The following KIAA1755 variants were observed in gnomAD, a reference collection of about 807,000 sequenced individuals.
The protein encoded by KIAA1755 is uncharacterized protein KIAA1755.
KIAA1755 carries 68 observed loss-of-function variants against 91.7 expected under a neutral mutation model. That is an observed-to-expected ratio of 0.74 (90% CI 0.61 to 0.91). The LOEUF (loss-of-function observed/expected upper bound fraction) is 0.91, where lower values mean the gene tolerates loss of function less well. Ranked by LOEUF, KIAA1755 falls within the 40% of genes least tolerant of loss-of-function variation. The pLI, the probability that KIAA1755 is intolerant of heterozygous loss-of-function variation, is 0.00. For synonymous variants in KIAA1755, 610 were observed against 604.6 expected (o/e 1.01, Z -0.13); for missense variants, 1,535 against 1,494.4 (o/e 1.03, Z -0.45).
rs149323625 is a variant in KIAA1755 at position 38,241,929 on chromosome 20, C to T, written c.202G>A (p.Ala68Thr). ...LCEQVREAAC[A>T]PYSHCLFLHE... ...AAGAAGAGGCAGTGTGAGTAGGGAG[C>T]CTGTGGAGAGAAGGGGATGGCATCA... Residue 68 changes from alanine (A) to threonine (T), a missense_variant and splice_region_variant, in exon 3 of 14, where the codon GCT becomes ACT. Coordinates refer to ENST00000279024, the MANE Select transcript of KIAA1755 (RefSeq NM_001029864.2). 8.0e-5 allele frequency: 128 copies of T among 1,607,682 alleles called. No individual in the cohort carries two copies. In the African/African-American group the frequency reaches 1.2e-3, roughly 15 times the overall value.
At chr20:38,244,472 C>T (rs1047461652) in intron 2 of KIAA1755, among the ~76,000 whole-genome samples, 3 of 152,208 alleles carry the variant, frequency 2.0e-5, no homozygotes, top group East Asian at 1.9e-4. Flanking sequence ...AGTCCCCACC[C>T]TTCCTTGTTG....
At chr20:38,222,775 GC>G in intron 9 of KIAA1755, 178 bp from the exon 10 acceptor site, 1 of 679,156 alleles carries the variant, frequency 1.5e-6, no homozygotes, top group Non-Finnish European at 2.6e-6. Context: ...CGTCACCACG[GC>G]AACCTCATTG....
At chr20:38,223,880 T>C (rs1283987887) in intron 8 of KIAA1755, among the ~76,000 whole-genome samples, 2 of 152,200 alleles carry the variant, frequency 1.3e-5, no homozygotes, top group Non-Finnish European at 2.9e-5. Context: ...GTGTTGCTGA[T>C]GCTGCTGGCC....
chr20:38,219,549 G>A lies in KIAA1755; in HGVS notation c.2556+81C>T. 1.9e-6 allele frequency: 3 copies of A among 1,558,150 alleles called. No individual in the cohort carries two copies. In the South Asian group the frequency reaches 3.5e-5, roughly 18 times the overall value. On this transcript the variant is annotated intron_variant, in intron 11 of 13. Coordinates refer to ENST00000279024, the MANE Select transcript of KIAA1755 (RefSeq NM_001029864.2). ...TTCTCCAGAACAAAGCACCTGACTAGGGACGGGCCCAGAGTCGGGGCTTTC... is the reference window on the plus strand; with the variant it reads ...TTCTCCAGAACAAAGCACCTGACTAAGGACGGGCCCAGAGTCGGGGCTTTC...
intron 1 of KIAA1755, among the ~76,000 whole-genome samples, chr20:38,246,936 C>T (rs911818646): frequency 1.3e-5 from 2 of 152,214 alleles, no homozygotes; most frequent in South Asian, 4.1e-4. Context: ...TTCCCCTCCA[C>T]CAACAGCTCT....
intron 7 of KIAA1755, 148 bp downstream of exon 7, chr20:38,227,006 G>A (rs2075768598): frequency 8.6e-6 from 5 of 584,006 alleles, no homozygotes; most frequent in Non-Finnish European, 1.2e-5. Flanking sequence ...GATTGGTAGC[G>A]CTTAGGCCTC....
intron 4 of KIAA1755, among the ~76,000 whole-genome samples, chr20:38,237,811 T>C (rs1246526088): frequency 1.4e-5 from 2 of 147,404 alleles, no homozygotes; most frequent in East Asian, 2.0e-4. Flanking sequence ...CGGGGAGAAG[T>C]TGGTTACGGG....
At chr20:38,246,692 G>A (rs1459860646) in intron 1 of KIAA1755, among the ~76,000 whole-genome samples, 3 of 152,064 alleles carry the variant, frequency 2.0e-5, no homozygotes, top group African/African-American at 4.8e-5. Flanking sequence ...ACAAGTCCAC[G>A]GCTGCAGACT....
At chr20:38,247,889 G>C (rs1453273012) in intron 1 of KIAA1755, among the ~76,000 whole-genome samples, 1 of 152,162 alleles carries the variant, frequency 6.6e-6, no homozygotes, top group Non-Finnish European at 1.5e-5. Flanking sequence ...AGGAATTTGA[G>C]ACCAGCCTGG....
intron 7 of KIAA1755, among the ~76,000 whole-genome samples, chr20:38,226,745 C>T (rs1252544358): frequency 2.0e-5 from 3 of 152,042 alleles, no homozygotes; most frequent in African/African-American, 4.8e-5. Context: ...CAGGTGTGAC[C>T]GCAGTGTGAA....
At chr20:38,254,453 A>C (rs1376053132) in intron 1 of KIAA1755, among the ~76,000 whole-genome samples, 1 of 152,096 alleles carries the variant, frequency 6.6e-6, no homozygotes, top group Non-Finnish European at 1.5e-5. Flanking sequence ...AAGCATATCT[A>C]TCTCCAAGGG....
intron 8 of KIAA1755, among the ~76,000 whole-genome samples, chr20:38,224,808 G>A (rs1329726631): frequency 1.3e-5 from 2 of 152,116 alleles, no homozygotes; most frequent in African/African-American, 2.4e-5. Context: ...ATGTGTCCTC[G>A]TGTACTAAAT....
intron 1 of KIAA1755, among the ~76,000 whole-genome samples, chr20:38,257,598 A>G (rs1472413044): frequency 6.6e-6 from 1 of 151,828 alleles, no homozygotes; most frequent in African/African-American, 2.4e-5. Context: ...AAAAAAAAAA[A>G]AAACCTGAAC....
At chr20:38,253,802 T>G (rs1291188895) in intron 1 of KIAA1755, among the ~76,000 whole-genome samples, 1 of 152,206 alleles carries the variant, frequency 6.6e-6, no homozygotes, top group African/African-American at 2.4e-5. Context: ...TGTGAGAGTA[T>G]GTGTTTTTAA....
In KIAA1755 at chr20:38,222,896, G is replaced by A. The variant is rs899618794; in HGVS notation, c.2269-299C>T. On this transcript the variant is annotated intron_variant, in intron 9 of 13. Coordinates refer to ENST00000279024, the MANE Select transcript of KIAA1755 (RefSeq NM_001029864.2). ...CTGTTCTCCACATGGCAGTTGAACGGATCTCAAAGTGCAAATCTGATAACC... is the reference window on the plus strand; with the variant it reads ...CTGTTCTCCACATGGCAGTTGAACGAATCTCAAAGTGCAAATCTGATAACC... The A allele has an allele frequency of 8.3e-6, 4 of 482,198 alleles. No homozygotes were observed. In the Admixed American group the frequency reaches 1.4e-4, roughly 17 times the overall value. 29.9% of individuals were successfully genotyped at this position (482,198 alleles called of 1,614,324 possible).
At chr20:38,253,917 C>T (rs2076294534) in intron 1 of KIAA1755, among the ~76,000 whole-genome samples, 1 of 152,160 alleles carries the variant, frequency 6.6e-6, no homozygotes, top group South Asian at 2.1e-4. Flanking sequence ...GAGTTTTGCT[C>T]TTGTTGCCCA....
At chr20:38,237,900 G>A (rs1317857457) in intron 4 of KIAA1755, among the ~76,000 whole-genome samples, 1 of 152,140 alleles carries the variant, frequency 6.6e-6, no homozygotes, top group Non-Finnish European at 1.5e-5. Context: ...GACAGAAGGA[G>A]CACGCATGTG....
chr20:38,248,685 TTATTA>T (rs1568775228), intron 1 of KIAA1755, among the ~76,000 whole-genome samples: 833 of 29,506 alleles, frequency 0.028, 6 homozygotes, highest in African/African-American at 0.095. Context: ...CTTCTCTTTA[TTATTA>T]TTATTATTAT....
rs372185082 is a variant in KIAA1755, at chr20:38,216,637, A to G, written c.2901+616T>C. On this transcript the variant is annotated intron_variant, in intron 13 of 13. Coordinates refer to ENST00000279024, the MANE Select transcript of KIAA1755 (RefSeq NM_001029864.2). ...TTTTAAAGAGAGATTTGGCTACATGAATTTAGGACAGGTGGCAGCTCCTAA... is the reference window on the plus strand; with the variant it reads ...TTTTAAAGAGAGATTTGGCTACATGGATTTAGGACAGGTGGCAGCTCCTAA... 2.1e-4 allele frequency among the ~76,000 whole-genome samples: 32 copies of G among 152,240 alleles called. No homozygotes were observed. The South Asian group carries it at 6.4e-3, about 31-fold the overall frequency.
Sources: gnomAD v4.1 joint callset for allele counts (sites outside exome capture counted in the v4.1 genomes callset) on GRCh38, gnomAD v4.1.1 for gene constraint, MANE v1.5 for transcripts, NCBI Gene and HGNC (gene_info 2026-07-23, HGNC 2026-07-21) for gene names.